IRAK1BP1: variants seen among roughly 807,000 people sequenced by gnomAD.
IRAK1BP1 encodes the protein interleukin-1 receptor-associated kinase 1-binding protein 1.
A neutral mutation model predicts 28.0 loss-of-function variants in IRAK1BP1; 24 were observed. The ratio of observed to expected loss-of-function variants is 0.86; its 90% CI spans 0.62 to 1.20. The LOEUF is 1.20. Among genes scored for constraint, IRAK1BP1 ranks in the 50% most tolerant of loss-of-function variants. The pLI is 0.00. For synonymous variants in IRAK1BP1, 131 were observed against 116.3 expected (o/e 1.13, Z -0.81); for missense variants, 336 against 316.7 (o/e 1.06, Z -0.46).
chr6:78,971,532 G>A, the IRAK1BP1 span, among the ~76,000 whole-genome samples: 1 of 152,144 alleles, frequency 6.6e-6, no homozygotes, highest in African/African-American at 2.4e-5. Context: ...GGGCCAAGAT[G>A]GCCGAATAGG....
At chr6:78,894,651 TA>T (rs1308041421) in intron 2 of IRAK1BP1, among the ~76,000 whole-genome samples, 1 of 152,166 alleles carries the variant, frequency 6.6e-6, no homozygotes, top group Non-Finnish European at 1.5e-5. Context: ...CAGTAGTTGA[TA>T]AGACCATAGA....
chr6:78,969,994 T>C, the IRAK1BP1 span: 12 of 1,600,654 alleles, frequency 7.5e-6, no homozygotes, highest in East Asian at 1.3e-4. Context: ...TATCTGAATC[T>C]TGAAAAACAA....
At chr6:78,912,890 C>T (rs1377206967) in intron 4 of IRAK1BP1, among the ~76,000 whole-genome samples, 1 of 152,110 alleles carries the variant, frequency 6.6e-6, no homozygotes, top group Non-Finnish European at 1.5e-5. Context: ...CATGTTTACA[C>T]TTATATACAA....
Position 78,898,202 on chromosome 6 carries a change from T to A in IRAK1BP1, c.651T>A (p.Asp217Glu). Reference sequence around the variant, plus strand: ...AAGAATGGGAAGGCCAAATAGATGATCACCAGTCATCCAGACTCTCAAGTT... The same window carrying A: ...AAGAATGGGAAGGCCAAATAGATGAACACCAGTCATCCAGACTCTCAAGTT... ...ETKEWEGQID[D>E]HQSSRLSSSL... is the part of the protein sequence containing the mutation. Residue 217 changes from aspartate (D) to glutamate (E), a missense_variant, in exon 4 of 4, where the codon GAT becomes GAA. Asp to Glu is a conservative substitution (Grantham distance 45). Coordinates refer to ENST00000369940, the MANE Select transcript of IRAK1BP1 (RefSeq NM_001010844.4). The A allele has an allele frequency of 3.7e-6, 6 of 1,613,538 alleles. No homozygotes were observed. The highest frequency in any genetic ancestry group is 4.2e-6 in the Non-Finnish European group (5 of 1,179,858).
chr6:78,906,605 T>A (rs981066737), downstream of IRAK1BP1, among the ~76,000 whole-genome samples: 6 of 152,172 alleles, frequency 3.9e-5, no homozygotes, highest in Non-Finnish European at 8.8e-5. Context: ...GTGTTACAAT[T>A]TATTGACTCA....
the IRAK1BP1 span, chr6:78,970,195 A>G: frequency 6.2e-7 from 1 of 1,601,068 alleles, no homozygotes; most frequent in Middle Eastern, 1.7e-4. Context: ...AGAGAATATA[A>G]GGAACCATCT....
At position 78,899,622 on chromosome 6, in the gene IRAK1BP1, A is replaced by AGCTGGAGTGCAGTGGTACGATCTCAGCTC. The variant is rs1205323083; in HGVS notation, c.*1289_*1317dup. 1.2e-4 allele frequency: 19 copies of AGCTGGAGTGCAGTGGTACGATCTCAGCTC among 152,168 alleles called. No homozygotes were observed. In the East Asian group the frequency reaches 3.7e-3, roughly 29 times the overall value. 9.4% of individuals were successfully genotyped at this position (152,168 alleles called of 1,614,324 possible). Reference sequence around the variant, plus strand: ...AGATGGAGTCTTTCTCTGTCGCCCAAGCTGGAGTGCAGTGGTACGATCTCA... The same window carrying AGCTGGAGTGCAGTGGTACGATCTCAGCTC: ...AGATGGAGTCTTTCTCTGTCGCCCAAGCTGGAGTGCAGTGGTACGATCTCAGCTCGCTGGAGTGCAGTGGTACGATCTCA... On this transcript the variant is annotated 3_prime_UTR_variant, in exon 4 of 4. Transcript: ENST00000369940.
chr6:78,955,081 T>A, the IRAK1BP1 span: 6 of 892,660 alleles, frequency 6.7e-6, no homozygotes, highest in Non-Finnish European at 9.9e-6. Context: ...AAGAAAATAT[T>A]CACCAAGTTC....
intron 4 of IRAK1BP1, chr6:78,937,466 C>T (rs1001120999): frequency 3.3e-5 from 5 of 151,722 alleles, no homozygotes; most frequent in Non-Finnish European, 7.4e-5. Flanking sequence ...ATACATGCTG[C>T]ATAAAGATAT....
intron 1 of IRAK1BP1, among the ~76,000 whole-genome samples, chr6:78,879,344 TATA>T (rs1581997513): frequency 6.6e-6 from 1 of 151,946 alleles, no homozygotes; most frequent in Non-Finnish European, 1.5e-5. Context: ...GAACTTAAAG[TATA>T]ATAATAAAAA....
rs187944505 is a variant in IRAK1BP1, at chr6:78,897,361, T to A, written c.382-468T>A. 5.9e-5 allele frequency among the ~76,000 whole-genome samples: 9 copies of A among 152,130 alleles called. No homozygotes were observed. In the East Asian group the frequency reaches 9.6e-4, roughly 16 times the overall value. On this transcript the variant is annotated intron_variant, in intron 2 of 3. Coordinates refer to ENST00000369940, the MANE Select transcript of IRAK1BP1 (RefSeq NM_001010844.4). Reference sequence around the variant, plus strand: ...AATATAAGGACTGCTTCCACATATTTAAAGGCAGAAGACAGAGTGAAATAC... The same window carrying A: ...AATATAAGGACTGCTTCCACATATTAAAAGGCAGAAGACAGAGTGAAATAC...
At chr6:78,906,801 T>C (rs1416962131), downstream of IRAK1BP1, among the ~76,000 whole-genome samples, 1 of 152,178 alleles carries the variant, frequency 6.6e-6, no homozygotes, top group African/African-American at 2.4e-5. Context: ...TCAACATAAA[T>C]GGTAAAATGT....
At chr6:78,873,057 G>A (rs754388222) in intron 1 of IRAK1BP1, among the ~76,000 whole-genome samples, 7 of 151,684 alleles carry the variant, frequency 4.6e-5, no homozygotes, top group Non-Finnish European at 1.0e-4. Context: ...GGAGTTCAAG[G>A]CCAGCCTAGC....
At chr6:78,881,682 G>A (rs1255484150) in intron 1 of IRAK1BP1, among the ~76,000 whole-genome samples, 1 of 152,102 alleles carries the variant, frequency 6.6e-6, no homozygotes, top group Non-Finnish European at 1.5e-5. Flanking sequence ...TGTTTTGACT[G>A]GAAATTATAA....
chr6:78,955,481 G>GTT, the IRAK1BP1 span: 23 of 453,302 alleles, frequency 5.1e-5, no homozygotes, highest in South Asian at 7.5e-5. Context: ...ACTGCCAGTT[G>GTT]TTTTTTTTTT....
chr6:78,975,258 G>A, the IRAK1BP1 span, among the ~76,000 whole-genome samples: 18 of 151,976 alleles, frequency 1.2e-4, no homozygotes, highest in South Asian at 6.2e-4. Context: ...TATAAACAGA[G>A]CCAAAGACAA....
chr6:78,910,630 T>G (rs1239175573), intron 4 of IRAK1BP1, among the ~76,000 whole-genome samples: 1 of 152,226 alleles, frequency 6.6e-6, no homozygotes, highest in Non-Finnish European at 1.5e-5. Context: ...GAAGGGCGCA[T>G]TCTCGGCGCG....
chr6:78,897,518 A>G (rs370343294), intron 2 of IRAK1BP1, among the ~76,000 whole-genome samples: 4 of 152,290 alleles, frequency 2.6e-5, no homozygotes, highest in African/African-American at 9.6e-5. Flanking sequence ...GAATCATGCT[A>G]GTTATCAGGA....
the IRAK1BP1 span, among the ~76,000 whole-genome samples, chr6:78,952,814 T>C: frequency 6.6e-6 from 1 of 151,932 alleles, no homozygotes; most frequent in African/African-American, 2.4e-5. Flanking sequence ...TTTCATTTAT[T>C]CCTTTAACCA....
Sources: gnomAD v4.1 joint callset for allele counts (sites outside exome capture counted in the v4.1 genomes callset) on GRCh38, gnomAD v4.1.1 for gene constraint, MANE v1.5 for transcripts, NCBI Gene and HGNC (gene_info 2026-07-23, HGNC 2026-07-21) for gene names.